TENM2: variants seen among roughly 807,000 people sequenced by gnomAD.
TENM2 encodes the protein teneurin transmembrane protein 2.
TENM2 carries 52 observed loss-of-function variants against 245.2 expected under a neutral mutation model. The observed-to-expected ratio is 0.21, with a 90% CI of 0.17 to 0.27. The LOEUF (loss-of-function observed/expected upper bound fraction) is 0.27, where lower values mean the gene tolerates loss of function less well. TENM2 is among the 10% of genes least tolerant of loss of function. The pLI is 1.00. For synonymous variants in TENM2, 1,363 were observed against 1,438.9 expected, an observed-to-expected ratio of 0.95 and a Z score of 1.19; for missense variants, 3,046 against 3,666.8, an observed-to-expected ratio of 0.83 and a Z score of 4.37.
At chr5:168,123,047 A>T (rs1795581426) in intron 10 of TENM2, among the ~76,000 whole-genome samples, 1 of 152,156 alleles carries the variant, frequency 6.6e-6, no homozygotes, top group Non-Finnish European at 1.5e-5. Context: ...CAGTAATCCC[A>T]GCACTTTGGG....
At chr5:167,363,800 AG>A (rs1409939700) in intron 1 of TENM2, among the ~76,000 whole-genome samples, 1 of 151,718 alleles carries the variant, frequency 6.6e-6, no homozygotes, top group East Asian at 1.9e-4. Flanking sequence ...GTTAAGTGTG[AG>A]CAAGTCCATA....
intron 17 of TENM2, among the ~76,000 whole-genome samples, chr5:168,201,526 C>T (rs887122986): frequency 6.6e-6 from 1 of 152,014 alleles, no homozygotes; most frequent in East Asian, 1.9e-4. Flanking sequence ...TGAAGCAAGC[C>T]CTAGACGTCA....
At chr5:168,238,279 G>GAAAAGAAAAGAAAAA (rs1765780332) in intron 25 of TENM2, among the ~76,000 whole-genome samples, 1 of 147,612 alleles carries the variant, frequency 6.8e-6, no homozygotes, top group Admixed American at 6.8e-5. Context: ...GAAAAGAAAA[G>GAAAAGAAAAGAAAAA]AAAAGAAAAG....
At chr5:167,926,762 A>ACC (rs1777801489) in intron 3 of TENM2, among the ~76,000 whole-genome samples, 1 of 146,436 alleles carries the variant, frequency 6.8e-6, no homozygotes, top group South Asian at 2.2e-4. Context: ...ACACACACAC[A>ACC]CAAGACCTTA....
intron 2 of TENM2, among the ~76,000 whole-genome samples, chr5:167,621,924 C>T (rs915558158): frequency 6.6e-6 from 1 of 152,110 alleles, no homozygotes; most frequent in Non-Finnish European, 1.5e-5. Flanking sequence ...TGAGACTTGG[C>T]CTCATTTTTA....
At chr5:167,332,973 G>A (rs762307781) in intron 1 of TENM2, among the ~76,000 whole-genome samples, 7 of 152,256 alleles carry the variant, frequency 4.6e-5, no homozygotes, top group South Asian at 2.1e-4. Context: ...AGTGATAAAC[G>A]TGGTAAGAAG....
At position 167,409,936 on chromosome 5, in the gene TENM2, A is replaced by C. The variant is rs902032598; in HGVS notation, c.502+34463A>C. Among the ~76,000 whole-genome samples, 7 of 152,120 alleles carry C rather than the reference A, an allele frequency of 4.6e-5. No homozygotes were observed. The East Asian group carries it at 1.4e-3, about 29-fold the overall frequency. ...TTAGAAGTAAAAGCTTATCATAAGG[A>C]AAGTATCAAAAAATTAGGATTTGAA... On this transcript the variant is annotated intron_variant, in intron 2 of 28. Transcript: ENST00000518659.
At chr5:167,226,200 G>A in the TENM2 span, among the ~76,000 whole-genome samples, 1 of 151,682 alleles carries the variant, frequency 6.6e-6, no homozygotes, top group African/African-American at 2.4e-5. Context: ...CTAATTTTGG[G>A]TTTGGTTTAT....
chr5:167,032,569 A>G, the TENM2 span, among the ~76,000 whole-genome samples: 1 of 152,182 alleles, frequency 6.6e-6, no homozygotes, highest in South Asian at 2.1e-4. Context: ...GTAATGTGTG[A>G]GTTTTCAAAT....
chr5:167,304,965 G>C (rs1226969752), intron 1 of TENM2, among the ~76,000 whole-genome samples: 1 of 152,084 alleles, frequency 6.6e-6, no homozygotes, highest in Non-Finnish European at 1.5e-5. Flanking sequence ...CCATGTACGT[G>C]ACATTTAATA....
chr5:167,597,433 C>T (rs567146435), intron 2 of TENM2, among the ~76,000 whole-genome samples: 1 of 152,286 alleles, frequency 6.6e-6, no homozygotes, highest in East Asian at 1.9e-4. Context: ...CTGCCTGCCT[C>T]AGCCTCCCAA....
At chr5:167,367,435 T>C (rs1306603788) in intron 1 of TENM2, among the ~76,000 whole-genome samples, 4 of 152,170 alleles carry the variant, frequency 2.6e-5, no homozygotes, top group Non-Finnish European at 5.9e-5. Context: ...TCTGTTGTTT[T>C]AAGCCAGAGG....
At chr5:167,597,831 C>A (rs1162221404) in intron 2 of TENM2, among the ~76,000 whole-genome samples, 1 of 152,110 alleles carries the variant, frequency 6.6e-6, no homozygotes, top group Non-Finnish European at 1.5e-5. Flanking sequence ...TCATAATTAC[C>A]CATATACATA....
chr5:167,547,188 C>T (rs1367850032), intron 2 of TENM2, among the ~76,000 whole-genome samples: 1 of 152,132 alleles, frequency 6.6e-6, no homozygotes, highest in Non-Finnish European at 1.5e-5. Flanking sequence ...CAGGTTCAAG[C>T]GATTCTGTTG....
At chr5:167,442,612 C>A (rs575550658) in intron 2 of TENM2, among the ~76,000 whole-genome samples, 4 of 151,962 alleles carry the variant, frequency 2.6e-5, no homozygotes, top group Non-Finnish European at 5.9e-5. Context: ...ACTAGTATTT[C>A]TTATTTCCAT....
At chr5:167,262,772 T>G in the TENM2 span, among the ~76,000 whole-genome samples, 1 of 152,166 alleles carries the variant, frequency 6.6e-6, no homozygotes, top group Non-Finnish European at 1.5e-5. Flanking sequence ...AATCTAGTTA[T>G]GTAAATTTTG....
intron 2 of TENM2, among the ~76,000 whole-genome samples, chr5:167,644,225 GT>G (rs1779788822): frequency 6.6e-6 from 1 of 152,142 alleles, no homozygotes; most frequent in African/African-American, 2.4e-5. Flanking sequence ...GTCCTATAAA[GT>G]TTATTAACTA....
rs140361516 is a variant in TENM2, at chr5:168,108,698, A to T, written c.1814-9594A>T. ...TGGCCCTGATAGCCATCCAAAAGAG[A>T]GATGTGGCAGGAAGACCCCCCAAAT... On this transcript the variant is annotated intron_variant, in intron 9 of 28. Transcript: ENST00000518659. Among the ~76,000 whole-genome samples, 28 of 152,198 alleles carry T rather than the reference A, an allele frequency of 1.8e-4. 2 individuals carry two copies. The East Asian group carries it at 5.2e-3, about 28-fold the overall frequency.
the TENM2 span, among the ~76,000 whole-genome samples, chr5:166,988,463 C>T: frequency 6.6e-6 from 1 of 152,166 alleles, no homozygotes; most frequent in Non-Finnish European, 1.5e-5. Context: ...ATTTACCACT[C>T]ACCAAATTGC....
Sources: allele counts gnomAD v4.1 joint callset (sites outside exome capture counted in the v4.1 genomes callset), GRCh38; gene constraint gnomAD v4.1.1; transcripts MANE v1.5; gene names NCBI Gene and HGNC (gene_info 2026-07-23, HGNC 2026-07-21).